Variants in TRPM8 observed in about 807,000 individuals in gnomAD.
TRPM8 encodes transient receptor potential cation channel subfamily M member 8, also known as TRPM8 cationic channel.
In TRPM8, 110 loss-of-function variants were observed where a neutral mutation model predicts 133.7. The ratio of observed to expected loss-of-function variants is 0.82; its 90% CI spans 0.70 to 0.96. The LOEUF (loss-of-function observed/expected upper bound fraction) is 0.96, where lower values mean the gene tolerates loss of function less well. TRPM8 is among the 40% of genes least tolerant of loss of function. The probability of loss-of-function intolerance (pLI) is 0.00; values close to 1 mark genes in which losing one functional copy is unlikely to be tolerated. For synonymous variants in TRPM8, 535 were observed against 532.3 expected (o/e 1.01, Z -0.07); for missense variants, 1,291 against 1,379.5 (o/e 0.94, Z 1.02).
intron 2 of TRPM8, among the ~76,000 whole-genome samples, chr2:233,929,246 G>A (rs1476690581): frequency 6.6e-6 from 1 of 152,150 alleles, no homozygotes; most frequent in Non-Finnish European, 1.5e-5. Flanking sequence ...GTGGGTGAAG[G>A]TAAACATCCC....
At chr2:233,930,552 A>G (rs1691660206) in intron 2 of TRPM8, 116 bp from the exon 3 acceptor site, 2 of 657,712 alleles carry the variant, frequency 3.0e-6, no homozygotes, top group South Asian at 5.8e-5. Flanking sequence ...TGCTATGAAT[A>G]TGTGGTAAAT....
chr2:233,955,231 C>T lies in TRPM8; in HGVS notation c.1343C>T (p.Thr448Ile). 1 of 1,613,914 alleles carries T rather than the reference C, an allele frequency of 6.2e-7. No individual in the cohort carries two copies. The highest frequency in any genetic ancestry group is 1.3e-5 in the African/African-American group (1 of 75,012). The change falls in exon 11 of 26, where the codon ACC becomes ATC. Residue 448 changes from threonine (T) to isoleucine (I), a missense_variant. By Grantham distance (89) the Thr-to-Ile change is moderately conservative (BLOSUM62 -1). Transcript: ENST00000324695. ...GACTTAGCCAATGATGAGATTTTCACCAATGACCGCCGATGGGAGGTAAGC... is the reference window on the plus strand; with the variant it reads ...GACTTAGCCAATGATGAGATTTTCATCAATGACCGCCGATGGGAGGTAAGC... Reference protein sequence around the residue: ...QLDLANDEIFTNDRRWESADL... With the variant: ...QLDLANDEIFINDRRWESADL...
At chr2:233,984,015 C>T (rs1432624914) in intron 20 of TRPM8, among the ~76,000 whole-genome samples, 1 of 152,168 alleles carries the variant, frequency 6.6e-6, no homozygotes, top group Non-Finnish European at 1.5e-5. Flanking sequence ...GGTGTTGTCA[C>T]TCCCAGTCTG....
intron 5 of TRPM8, 53 bp from the exon 6 acceptor site, chr2:233,942,523 T>C: frequency 6.3e-7 from 1 of 1,595,288 alleles, no homozygotes; most frequent in Non-Finnish European, 8.6e-7. Flanking sequence ...GAGCCCAGAA[T>C]GGAAACTTTG....
chr2:233,975,475 C>T (rs1232617266), intron 17 of TRPM8, among the ~76,000 whole-genome samples: 2 of 152,200 alleles, frequency 1.3e-5, no homozygotes, highest in Non-Finnish European at 2.9e-5. Flanking sequence ...ACTTTTCACC[C>T]CTCAGGCTCC....
chr2:233,997,426 C>G (rs1237601092), intron 22 of TRPM8, among the ~76,000 whole-genome samples: 1 of 152,200 alleles, frequency 6.6e-6, no homozygotes, highest in Non-Finnish European at 1.5e-5. Flanking sequence ...CCTCTCTTTG[C>G]TCCCATTCAC....
chr2:233,938,890 C>G (rs554411396), intron 4 of TRPM8, 108 bp from the exon 5 acceptor site: 35 of 1,314,432 alleles, frequency 2.7e-5, no homozygotes, highest in Non-Finnish European at 3.5e-5. Flanking sequence ...CACCCCGCCC[C>G]TCTTCTAGAA....
At position 233,970,069 on chromosome 2, in the gene TRPM8, G is replaced by A. The variant is rs1691672533; in HGVS notation, c.2139-141G>A. 5 of 818,500 alleles carry A rather than the reference G, an allele frequency of 6.1e-6. No homozygotes were observed. In the Admixed American group the frequency reaches 9.7e-5, roughly 16 times the overall value. The allele number at this position is 818,500 out of a possible 1,614,324, so 50.7% of individuals were successfully genotyped here. ...AATGCCAAGGATTTAATTGGGGTTG[G>A]TTCCATCTTAGGACACGGTTTTGCT... is the stretch of plus-strand genomic sequence containing the variant. On this transcript the variant is annotated intron_variant, in intron 16 of 25. Transcript: ENST00000324695.
In TRPM8 at chr2:233,955,149, C is replaced by T. The variant is rs148681098; in HGVS notation, c.1261C>T (p.Gln421Ter). Reference protein sequence around the residue: ...ALYKAFSTSEQDKDNWNGQLK... With the variant: ...ALYKAFSTSE ...TCTCACAGCCTTCAGCACCAGTGAG[C>T]AAGACAAGGATAACTGGAATGGGCA... is the stretch of plus-strand genomic sequence containing the variant. Residue 421 changes from glutamine (Q) to a stop codon, truncating the protein, a stop_gained, in exon 11 of 26, where the codon CAA becomes TAA. Coordinates refer to ENST00000324695, the MANE Select transcript of TRPM8 (RefSeq NM_024080.5). LOFTEE classifies it high-confidence loss of function. 2.0e-5 allele frequency: 33 copies of T among 1,613,846 alleles called. No homozygotes were observed. The highest frequency in any genetic ancestry group is 2.5e-5 in the Non-Finnish European group (29 of 1,179,884).
intron 17 of TRPM8, among the ~76,000 whole-genome samples, chr2:233,976,442 G>A (rs1381978292): frequency 2.0e-5 from 3 of 152,122 alleles, no homozygotes; most frequent in Non-Finnish European, 4.4e-5. Flanking sequence ...TTTGCTCAGG[G>A]AGGACACAGG....
chr2:234,019,332 T>C lies in TRPM8; in HGVS notation c.*2076T>C, dbSNP rs1693036303. On this transcript the variant is annotated 3_prime_UTR_variant, in exon 26 of 26. Coordinates refer to ENST00000324695, the MANE Select transcript of TRPM8 (RefSeq NM_024080.5). The stretch of plus-strand genomic sequence containing the variant: ...TGGTGGATGTTTTTGCAGGTTACTC[T>C]GAGAATTTTGCTTATGAAAAATCAT... 6.6e-6 allele frequency: 1 copy of C among 152,242 alleles called. No homozygotes were observed. The allele number at this position is 152,242 out of a possible 1,614,324, so 9.4% of individuals were successfully genotyped here.
At chr2:233,958,219 G>A (rs894152695) in intron 11 of TRPM8, among the ~76,000 whole-genome samples, 3 of 152,276 alleles carry the variant, frequency 2.0e-5, no homozygotes, top group African/African-American at 7.2e-5. Flanking sequence ...TTGAATCTCT[G>A]AGAGGAATTT....
At chr2:233,959,688 T>A (rs985521906) in intron 11 of TRPM8, among the ~76,000 whole-genome samples, 4 of 152,182 alleles carry the variant, frequency 2.6e-5, no homozygotes, top group Non-Finnish European at 5.9e-5. Flanking sequence ...ATGTTGGCAA[T>A]GGAATAAAAT....
At chr2:233,946,710 T>C (rs12992084) in intron 7 of TRPM8, among the ~76,000 whole-genome samples, 6,503 of 152,326 alleles carry the variant, frequency 0.043, 177 homozygotes, top group East Asian at 0.079. Flanking sequence ...AATAAACTGT[T>C]GAAAGACCAC....
At chr2:233,962,579 G>A (rs867089810) in intron 12 of TRPM8, among the ~76,000 whole-genome samples, 4 of 152,292 alleles carry the variant, frequency 2.6e-5, no homozygotes, top group African/African-American at 4.8e-5. Flanking sequence ...TTTAGAGTGC[G>A]TGTATGTGTG....
intron 21 of TRPM8, among the ~76,000 whole-genome samples, chr2:233,990,274 A>T (rs895217403): frequency 6.6e-6 from 1 of 152,204 alleles, no homozygotes; most frequent in African/African-American, 2.4e-5. Flanking sequence ...CAGGTTCTTG[A>T]CTTTGGGACA....
chr2:234,012,777 G>T (rs920028206), intron 24 of TRPM8, among the ~76,000 whole-genome samples: 1 of 151,624 alleles, frequency 6.6e-6, no homozygotes, highest in Non-Finnish European at 1.5e-5. Context: ...GTTGTAGTAA[G>T]TTCCTTCTAT....
At chr2:233,956,405 A>G (rs1487434302) in intron 11 of TRPM8, among the ~76,000 whole-genome samples, 2 of 152,212 alleles carry the variant, frequency 1.3e-5, no homozygotes, top group Non-Finnish European at 2.9e-5. Flanking sequence ...TTCCAGCAGT[A>G]TCCTCCCGTG....
At chr2:233,966,924 C>T (rs566117056) in intron 15 of TRPM8, among the ~76,000 whole-genome samples, 169 bp downstream of exon 15, 9 of 152,288 alleles carry the variant, frequency 5.9e-5, no homozygotes, top group African/African-American at 1.7e-4. Flanking sequence ...AGGCATTGGT[C>T]GAAATCCATG....
Sources: allele counts gnomAD v4.1 joint callset (sites outside exome capture counted in the v4.1 genomes callset), GRCh38; gene constraint gnomAD v4.1.1; transcripts MANE v1.5; gene names NCBI Gene and HGNC (gene_info 2026-07-23, HGNC 2026-07-21).